Variants in SGSM2 observed in about 807,000 individuals in gnomAD.
SGSM2 encodes RUN and TBC1 domain containing 1.
In SGSM2, 89 loss-of-function variants were observed where a neutral mutation model predicts 126.6. That is an observed-to-expected ratio of 0.70 (90% confidence interval 0.59 to 0.84). SGSM2 has a LOEUF of 0.84. Among genes scored for constraint, SGSM2 ranks in the 40% least tolerant of loss-of-function variants. SGSM2 has a pLI of 0.00. For synonymous variants in SGSM2, 614 were observed against 574.3 expected, an observed-to-expected ratio of 1.07 and a Z score of -0.99; for missense variants, 1,404 against 1,416.6, an observed-to-expected ratio of 0.99 and a Z score of 0.14.
chr17:2,363,406 TC>T lies in SGSM2; in HGVS notation c.673-56del. The stretch of plus-strand genomic sequence containing the variant: ...AGGGTCAGCATGGAAGCGTGAGGGT[TC>T]CCAAGCCTTGAGGCCAGTTTCCCAA... On this transcript the variant is annotated intron_variant, in intron 6 of 23. Coordinates refer to ENST00000268989, the MANE Select transcript of SGSM2 (RefSeq NM_014853.3). The surrounding 1 kb of genome is among the most constrained non-coding windows in gnomAD (Gnocchi z 4.2). 6.2e-7 allele frequency: 1 copy of T among 1,605,436 alleles called. No homozygotes were observed. Among genetic ancestry groups the T allele is most frequent in the Non-Finnish European group, 8.5e-7 (1 of 1,178,546 alleles).
chr17:2,373,282 AG>A, intron 16 of SGSM2, 48 bp from the exon 17 acceptor site: 1 of 1,581,986 alleles, frequency 6.3e-7, no homozygotes, highest in Middle Eastern at 2.0e-4. Context: ...CCTGAAGGGG[AG>A]GGCCTGGTGC....
At chr17:2,350,601 G>T (rs2064803758) in intron 2 of SGSM2, among the ~76,000 whole-genome samples, 1 of 151,964 alleles carries the variant, frequency 6.6e-6, no homozygotes, top group South Asian at 2.1e-4. Context: ...CTGGGCGACA[G>T]AGTGAGACTC....
At chr17:2,343,835 CA>C (rs2064478735) in intron 2 of SGSM2, among the ~76,000 whole-genome samples, 1 of 152,150 alleles carries the variant, frequency 6.6e-6, no homozygotes, top group African/African-American at 2.4e-5. Context: ...TTTTGTTCCC[CA>C]GGATAGTAAT....
chr17:2,375,534 G>T lies in SGSM2; in HGVS notation c.2143G>T (p.Asp715Tyr), dbSNP rs1456254792. The part of the protein sequence containing the change: ...VDDLEPPEPQ[D>Y]PEDSRPKPEQ... ...TGATCTGGAACCCCCGGAGCCCCAG[G>T]ACCCTGAAGATTCCAGACCAAAACC... Residue 715 changes from aspartate to tyrosine, a missense_variant, in exon 18 of 24, where the codon GAC becomes TAC. By Grantham distance (160) the Asp-to-Tyr change is radical (BLOSUM62 -3). Coordinates refer to ENST00000268989, the MANE Select transcript of SGSM2 (RefSeq NM_014853.3). The T allele has an allele frequency of 6.2e-7, 1 of 1,613,444 alleles. No homozygotes were observed. Among genetic ancestry groups the T allele is most frequent in the Non-Finnish European group, 8.5e-7 (1 of 1,179,934 alleles).
chr17:2,380,683 A>T lies in SGSM2; in HGVS notation c.*1163A>T. ...TCCCCACTTCCTCCTCTACCCCAAC[A>T]CATGCAGGCTAGGCCTTGCCCTGGA... On this transcript the variant is annotated 3_prime_UTR_variant, in exon 24 of 24. Coordinates refer to ENST00000268989, the MANE Select transcript of SGSM2 (RefSeq NM_014853.3). 1 of 319,670 alleles carries T rather than the reference A, an allele frequency of 3.1e-6. No individual in the cohort carries two copies. Among genetic ancestry groups the T allele is most frequent in the South Asian group, 3.0e-5 (1 of 33,544 alleles). 19.8% of individuals were successfully genotyped at this position (319,670 alleles called of 1,614,324 possible).
Position 2,371,290 on chromosome 17 carries a change from C to T in SGSM2, c.1452C>T (p.Gly484=), listed in dbSNP as rs1567838034. ...CTGGTGACATGATCGAGATGCAGGG[C>T]TTTGGGCCCAGCCTGCCAGCCTGGC... ...KDAGDMIEMQ[G]FGPSLPAWHL... is the part of the protein sequence containing the mutation. The change falls in exon 13 of 24, where the codon GGC becomes GGT. Residue 484 remains glycine (G), a synonymous_variant. Transcript: ENST00000268989. 6.2e-7 allele frequency: 1 copy of T among 1,612,332 alleles called. No individual in the cohort carries two copies. Among genetic ancestry groups the T allele is most frequent in the Non-Finnish European group, 8.5e-7 (1 of 1,179,860 alleles).
intron 12 of SGSM2, among the ~76,000 whole-genome samples, chr17:2,369,988 A>G (rs1373734381): frequency 6.6e-6 from 1 of 152,120 alleles, no homozygotes; most frequent in Non-Finnish European, 1.5e-5. Flanking sequence ...TGGGTCTGGG[A>G]AGAGAGCCCC....
chr17:2,371,002 A>C (rs1228939624), intron 12 of SGSM2, among the ~76,000 whole-genome samples: 1 of 151,848 alleles, frequency 6.6e-6, no homozygotes, highest in East Asian at 1.9e-4. Context: ...ATCATCCAAG[A>C]CTCAGTCCAA....
intron 2 of SGSM2, among the ~76,000 whole-genome samples, chr17:2,347,714 A>G (rs1030988486): frequency 2.7e-5 from 4 of 150,374 alleles, no homozygotes; most frequent in Admixed American, 2.0e-4. Flanking sequence ...GGCTCCAGGT[A>G]TGCTCCTGCC....
intron 19 of SGSM2, 104 bp from the exon 20 acceptor site, chr17:2,376,629 G>A: frequency 1.6e-6 from 2 of 1,261,706 alleles, no homozygotes; most frequent in African/African-American, 2.9e-5. Flanking sequence ...GTCGTGGAAA[G>A]GCTGACTTCT....
rs1353967051 is a variant in SGSM2 at position 2,380,191 on chromosome 17, C to T, written c.*671C>T. 1.8e-5 allele frequency: 28 copies of T among 1,515,744 alleles called. No individual in the cohort carries two copies. The highest frequency in any genetic ancestry group is 3.4e-4 in the Middle Eastern group (2 of 5,872). 93.9% of individuals were successfully genotyped at this position (1,515,744 alleles called of 1,614,324 possible). ...ACCTGAGGTGACCCCCAGGCCTCCC[C>T]GGCCTTGTACAGTGTACCTCTGTGT... On this transcript the variant is annotated 3_prime_UTR_variant, in exon 24 of 24. Transcript: ENST00000268989.
chr17:2,362,768 A>C lies in SGSM2; in HGVS notation c.459-70A>C. The C allele has an allele frequency of 1.3e-6, 2 of 1,495,590 alleles. No individual in the cohort carries two copies. The highest frequency in any genetic ancestry group is 1.9e-6 in the Non-Finnish European group (2 of 1,076,386). 92.6% of individuals were successfully genotyped at this position (1,495,590 alleles called of 1,614,324 possible). On this transcript the variant is annotated intron_variant, in intron 4 of 23. Coordinates refer to ENST00000268989, the MANE Select transcript of SGSM2 (RefSeq NM_014853.3). The surrounding 1 kb of genome is among the most constrained non-coding windows in gnomAD (Gnocchi z 4.9). ...ATCTGGTCTTTGTGGGGATGTCCCT[A>C]CCTGGTGAGCTTGACTGCCCTGGAA...
At chr17:2,376,037 T>A in intron 18 of SGSM2, 100 bp from the exon 19 acceptor site, 1 of 1,577,302 alleles carries the variant, frequency 6.3e-7, no homozygotes, top group African/African-American at 1.3e-5. Context: ...CGCTCTGGTC[T>A]CTGGGTTCCG....
At chr17:2,376,538 C>T in intron 19 of SGSM2, 195 bp from the exon 20 acceptor site, 1 of 706,028 alleles carries the variant, frequency 1.4e-6, no homozygotes, top group Non-Finnish European at 2.4e-6. Context: ...TTGGCTCTCC[C>T]TAAGTCGGAG....
chr17:2,340,261 C>T (rs1452816902), intron 1 of SGSM2, among the ~76,000 whole-genome samples: 1 of 151,980 alleles, frequency 6.6e-6, no homozygotes, highest in South Asian at 2.1e-4. Flanking sequence ...ACTACAGGCA[C>T]ATGCCACCAC....
At chr17:2,370,028 C>T (rs1315432937) in intron 12 of SGSM2, among the ~76,000 whole-genome samples, 1 of 152,194 alleles carries the variant, frequency 6.6e-6, no homozygotes. Flanking sequence ...CTGAGGGAAC[C>T]GGAAGGGGCT....
At chr17:2,339,731 C>G (rs867614266) in intron 1 of SGSM2, among the ~76,000 whole-genome samples, 4 of 151,790 alleles carry the variant, frequency 2.6e-5, no homozygotes, top group African/African-American at 9.7e-5. Flanking sequence ...AAAAAAGTCC[C>G]GGAAATCTCT....
intron 2 of SGSM2, among the ~76,000 whole-genome samples, chr17:2,351,595 A>G (rs976945007): frequency 4.6e-5 from 7 of 152,178 alleles, no homozygotes; most frequent in Non-Finnish European, 1.0e-4. Flanking sequence ...CCAGCAGGAC[A>G]AGGACAATGG....
intron 1 of SGSM2, among the ~76,000 whole-genome samples, chr17:2,339,461 A>C (rs1014286610): frequency 2.0e-5 from 3 of 151,600 alleles, no homozygotes; most frequent in African/African-American, 7.3e-5. Flanking sequence ...ATGGTGGCTC[A>C]CGACTGTAAT....
Sources: allele counts gnomAD v4.1 joint callset (sites outside exome capture counted in the v4.1 genomes callset), GRCh38; gene constraint gnomAD v4.1.1; non-coding constraint Gnocchi (gnomAD v3.1); transcripts MANE v1.5; gene names NCBI Gene and HGNC (gene_info 2026-07-23, HGNC 2026-07-21).